Variants in NCAM2 observed in about 807,000 individuals in gnomAD.
The protein encoded by NCAM2 is neural cell adhesion molecule 2.
Under a neutral mutation model 98.1 loss-of-function variants are expected in NCAM2, and 30 were observed. The observed-to-expected ratio is 0.31, with a 90% CI of 0.23 to 0.41. The LOEUF is 0.41. Ranked by LOEUF, NCAM2 falls within the 10% of genes least tolerant of loss-of-function variation. NCAM2 has a pLI of 1.00. For missense variants in NCAM2, 867 were observed against 1,005.8 expected, an observed-to-expected ratio of 0.86 and a Z score of 1.87; for synonymous variants, 368 against 342.4, an observed-to-expected ratio of 1.07 and a Z score of -0.83.
chr21:21,167,125 G>T (rs1395430045), intron 1 of NCAM2, among the ~76,000 whole-genome samples: 1 of 151,692 alleles, frequency 6.6e-6, no homozygotes, highest in Non-Finnish European at 1.5e-5. Context: ...TTGTGTTTTG[G>T]GGGTGATCTG....
At chr21:21,356,014 T>A (rs141426915) in intron 8 of NCAM2, among the ~76,000 whole-genome samples, 1 of 152,332 alleles carries the variant, frequency 6.6e-6, no homozygotes, top group African/African-American at 2.4e-5. Context: ...CCTTGCTGTT[T>A]CCGTAGTGTA....
At chr21:21,501,002 T>A (rs1311223382) in intron 15 of NCAM2, among the ~76,000 whole-genome samples, 5 of 152,080 alleles carry the variant, frequency 3.3e-5, no homozygotes, top group Admixed American at 6.6e-5. Flanking sequence ...TTTAAAAAAA[T>A]TATTTTTGAA....
intron 11 of NCAM2, among the ~76,000 whole-genome samples, chr21:21,421,938 T>G (rs985294087): frequency 1.3e-5 from 2 of 152,198 alleles, no homozygotes; most frequent in Non-Finnish European, 2.9e-5. Flanking sequence ...TTGTCCTCCT[T>G]TCCTTCTTTT....
intron 1 of NCAM2, among the ~76,000 whole-genome samples, chr21:21,169,329 A>G (rs528794028): frequency 1.1e-3 from 164 of 152,346 alleles, no homozygotes; most frequent in African/African-American, 3.8e-3. Context: ...ATGTAAATCT[A>G]TAAAACTCAT....
chr21:21,495,221 A>G (rs996347414), intron 15 of NCAM2, among the ~76,000 whole-genome samples: 8 of 151,974 alleles, frequency 5.3e-5, no homozygotes, highest in East Asian at 1.9e-4. Context: ...ATAGTATTTT[A>G]TCTTATTTAG....
chr21:21,518,084 A>G (rs1429615760), intron 16 of NCAM2, among the ~76,000 whole-genome samples: 2 of 152,166 alleles, frequency 1.3e-5, no homozygotes, highest in Non-Finnish European at 2.9e-5. Flanking sequence ...AATGCATGCA[A>G]TATATGTAAA....
intron 9 of NCAM2, among the ~76,000 whole-genome samples, chr21:21,405,438 G>A (rs1263741288): frequency 6.6e-6 from 1 of 151,956 alleles, no homozygotes; most frequent in African/African-American, 2.4e-5. Context: ...ACTTTGGCGA[G>A]GTCCAGATGC....
Position 21,135,299 on chromosome 21 carries a change from C to G in NCAM2, c.55+136681C>G, listed in dbSNP as rs576541741. 5.3e-5 allele frequency among the ~76,000 whole-genome samples: 8 copies of G among 151,780 alleles called. No homozygotes were observed. In the South Asian group the frequency reaches 8.4e-4, roughly 16 times the overall value. On this transcript the variant is annotated intron_variant, in intron 1 of 17. Transcript: ENST00000400546. ...TCAATCAGTCCTCCACTCTGGCCTC[C>G]CAAAATGCTGGGACTACAAGCATGA... is the stretch of plus-strand genomic sequence containing the variant.
chr21:21,317,831 T>A (rs1033622947), intron 5 of NCAM2, among the ~76,000 whole-genome samples: 50 of 152,126 alleles, frequency 3.3e-4, no homozygotes, highest in Middle Eastern at 3.4e-3. Flanking sequence ...CACCAGGCCT[T>A]GACTTCTTTT....
At chr21:21,384,166 A>G (rs1303082340) in intron 9 of NCAM2, among the ~76,000 whole-genome samples, 1 of 152,026 alleles carries the variant, frequency 6.6e-6, no homozygotes, top group Non-Finnish European at 1.5e-5. Context: ...TCCTTTAACT[A>G]TAAAACGTTA....
chr21:21,159,653 T>C (rs1263273539), intron 1 of NCAM2, among the ~76,000 whole-genome samples: 1 of 152,122 alleles, frequency 6.6e-6, no homozygotes, highest in African/African-American at 2.4e-5. Flanking sequence ...CTATGCCATC[T>C]AGGTTTGTGT....
chr21:21,398,793 C>G (rs1215291615), intron 9 of NCAM2, among the ~76,000 whole-genome samples: 1 of 152,080 alleles, frequency 6.6e-6, no homozygotes, highest in Non-Finnish European at 1.5e-5. Flanking sequence ...ATATATTGTG[C>G]TTTAGTGGTG....
At chr21:21,441,407 T>C (rs1485031917) in intron 12 of NCAM2, among the ~76,000 whole-genome samples, 1 of 152,200 alleles carries the variant, frequency 6.6e-6, no homozygotes, top group African/African-American at 2.4e-5. Flanking sequence ...AAAATATACA[T>C]TTAAAAAATC....
At chr21:21,069,879 A>G (rs1345235603) in intron 1 of NCAM2, among the ~76,000 whole-genome samples, 1 of 152,168 alleles carries the variant, frequency 6.6e-6, no homozygotes, top group East Asian at 1.9e-4. Context: ...GTGACATCCC[A>G]AGACAGAGTT....
intron 1 of NCAM2, among the ~76,000 whole-genome samples, chr21:21,045,102 G>T (rs2064982907): frequency 6.6e-6 from 1 of 152,084 alleles, no homozygotes; most frequent in Non-Finnish European, 1.5e-5. Context: ...GTATTTTATA[G>T]TGCATTTCTA....
rs112551066 is a variant in NCAM2, at chr21:21,123,286, C to T, written c.55+124668C>T. 4.8e-3 allele frequency among the ~76,000 whole-genome samples: 730 copies of T among 151,834 alleles called. 6 individuals are homozygous for T. The highest frequency in any genetic ancestry group is 0.017 in the African/African-American group (689 of 41,418). On this transcript the variant is annotated intron_variant, in intron 1 of 17. Coordinates refer to ENST00000400546, the MANE Select transcript of NCAM2 (RefSeq NM_004540.5). The stretch of plus-strand genomic sequence containing the variant: ...GGCACGCACCTGAGTCCCAGCTACT[C>T]GGGAGGCTGAGGCAGGAGAATGGCG...
chr21:21,268,083 T>C (rs2072354146), intron 1 of NCAM2, among the ~76,000 whole-genome samples: 1 of 152,158 alleles, frequency 6.6e-6, no homozygotes, highest in Non-Finnish European at 1.5e-5. Flanking sequence ...GAACTGCTTA[T>C]TTAGAGAAAT....
At chr21:21,019,709 T>A (rs968638553) in intron 1 of NCAM2, among the ~76,000 whole-genome samples, 3 of 152,228 alleles carry the variant, frequency 2.0e-5, no homozygotes, top group African/African-American at 7.2e-5. Context: ...AAAATGATGT[T>A]CCAGTAAAAT....
chr21:21,118,535 A>G (rs1176190634), intron 1 of NCAM2, among the ~76,000 whole-genome samples: 1 of 152,132 alleles, frequency 6.6e-6, no homozygotes, highest in Non-Finnish European at 1.5e-5. Flanking sequence ...AATGCTCTAA[A>G]TTCATCTACT....
Sources: allele counts gnomAD v4.1 joint callset (sites outside exome capture counted in the v4.1 genomes callset), GRCh38; gene constraint gnomAD v4.1.1; transcripts MANE v1.5; gene names NCBI Gene and HGNC (gene_info 2026-07-23, HGNC 2026-07-21).